Variants in PGGT1B observed in about 807,000 individuals in gnomAD.
The protein encoded by PGGT1B is geranylgeranyl transferase type-1 subunit beta.
PGGT1B carries 30 observed loss-of-function variants against 46.1 expected under a neutral mutation model. The ratio of observed to expected loss-of-function variants is 0.65; its 90% CI spans 0.49 to 0.88. PGGT1B has a LOEUF of 0.88. Ranked by LOEUF, PGGT1B falls within the 40% of genes least tolerant of loss-of-function variation. PGGT1B has a pLI of 0.00. For synonymous variants in PGGT1B, 170 were observed against 160.0 expected (o/e 1.06, Z -0.47); for missense variants, 376 against 455.9 (o/e 0.82, Z 1.60).
chr5:115,224,641 G>C (rs1038824088), intron 6 of PGGT1B, among the ~76,000 whole-genome samples: 3 of 152,096 alleles, frequency 2.0e-5, no homozygotes, highest in African/African-American at 4.8e-5. Flanking sequence ...AGGCCAAAGT[G>C]AGAGAACTGC....
At chr5:115,214,045 C>G (rs1003584950) in intron 8 of PGGT1B, among the ~76,000 whole-genome samples, 1 of 152,148 alleles carries the variant, frequency 6.6e-6, no homozygotes, top group East Asian at 1.9e-4. Flanking sequence ...TTTCACCTGT[C>G]ATATTACATC....
rs1188084320 is a variant in PGGT1B at position 115,204,766 on chromosome 5, T to TGAATAAATG, written c.*7627_*7635dup. 6.6e-5 allele frequency: 10 copies of TGAATAAATG among 151,900 alleles called. No individual in the cohort carries two copies. The highest frequency in any genetic ancestry group is 2.4e-4 in the African/African-American group (10 of 41,378). 9.4% of individuals were successfully genotyped at this position (151,900 alleles called of 1,614,324 possible). A position where few individuals can be genotyped will look rare whatever the true frequency, so the allele number is the denominator to read the frequency against. Reference sequence around the variant, plus strand: ...TAGGAACACCATAAAAATAAATAAGTGAATAAATGAATGATGTTCATAGCA... The same window carrying TGAATAAATG: ...TAGGAACACCATAAAAATAAATAAGTGAATAAATGGAATAAATGAATGATGTTCATAGCA... On this transcript the variant is annotated 3_prime_UTR_variant, in exon 9 of 9. Coordinates refer to ENST00000419445, the MANE Select transcript of PGGT1B (RefSeq NM_005023.4).
chr5:115,254,404 G>T (rs879344188), intron 1 of PGGT1B, among the ~76,000 whole-genome samples: 16 of 151,862 alleles, frequency 1.1e-4, no homozygotes, highest in Admixed American at 9.8e-4. Flanking sequence ...TACACACGAA[G>T]CTTATTTTAT....
intron 6 of PGGT1B, among the ~76,000 whole-genome samples, chr5:115,227,207 T>C (rs1756817327): frequency 6.6e-6 from 1 of 152,172 alleles, no homozygotes; most frequent in East Asian, 1.9e-4. Context: ...TAACCTGATA[T>C]GTAAGCCTAC....
At chr5:115,232,953 T>C (rs1458369524) in intron 5 of PGGT1B, among the ~76,000 whole-genome samples, 3 of 152,012 alleles carry the variant, frequency 2.0e-5, no homozygotes, top group African/African-American at 4.8e-5. Context: ...AGAGAACCTT[T>C]TTCCTATCAG....
Position 115,209,864 on chromosome 5 carries a change from A to T in PGGT1B, c.*2538T>A, listed in dbSNP as rs181590715. 2.6e-5 allele frequency: 4 copies of T among 152,172 alleles called. No homozygotes were observed. Among genetic ancestry groups the T allele is most frequent in the African/African-American group, 9.6e-5 (4 of 41,554 alleles). The allele number at this position is 152,172 out of a possible 1,614,324, so 9.4% of individuals were successfully genotyped here. A position where few individuals can be genotyped will look rare whatever the true frequency, so the allele number is the denominator to read the frequency against. On this transcript the variant is annotated 3_prime_UTR_variant, in exon 9 of 9. Coordinates refer to ENST00000419445, the MANE Select transcript of PGGT1B (RefSeq NM_005023.4). ...GTGTGTTAGGTTTTACCCTTATTTTATCCACGGCAGAGTTAGGGTCCAAGA... is the reference window on the plus strand; with the variant it reads ...GTGTGTTAGGTTTTACCCTTATTTTTTCCACGGCAGAGTTAGGGTCCAAGA...
chr5:115,229,683 C>T (rs1580756106), intron 6 of PGGT1B, among the ~76,000 whole-genome samples: 1 of 152,142 alleles, frequency 6.6e-6, no homozygotes, highest in African/African-American at 2.4e-5. Flanking sequence ...ATACCACCTA[C>T]AATAGTAAAC....
At chr5:115,226,739 A>G (rs370177304) in intron 6 of PGGT1B, among the ~76,000 whole-genome samples, 9 of 152,112 alleles carry the variant, frequency 5.9e-5, no homozygotes, top group East Asian at 1.9e-4. Context: ...TGACCAGCTT[A>G]CAATCCAGCA....
chr5:115,238,070 G>T (rs41296571), intron 3 of PGGT1B, 61 bp from the exon 4 acceptor site: 12 of 1,202,318 alleles, frequency 1.0e-5, no homozygotes, highest in Non-Finnish European at 1.4e-5. Flanking sequence ...ATTTCATTAA[G>T]AAATCTGACA....
intron 3 of PGGT1B, among the ~76,000 whole-genome samples, chr5:115,238,678 T>C (rs1237978546): frequency 1.3e-5 from 2 of 152,208 alleles, no homozygotes; most frequent in Non-Finnish European, 2.9e-5. Flanking sequence ...CTGCCTTCTA[T>C]AATAAATGTA....
chr5:115,243,935 C>T (rs949022089), intron 2 of PGGT1B, among the ~76,000 whole-genome samples: 1 of 152,190 alleles, frequency 6.6e-6, no homozygotes, highest in African/African-American at 2.4e-5. Context: ...TCTCTTCTCT[C>T]TTCTGCTCCC....
intron 6 of PGGT1B, among the ~76,000 whole-genome samples, chr5:115,223,955 A>C (rs1756677565): frequency 6.6e-6 from 1 of 152,164 alleles, no homozygotes; most frequent in South Asian, 2.1e-4. Flanking sequence ...TCAGTGTTAC[A>C]AATCTTGAAT....
At chr5:115,256,794 G>A (rs1052636851) in intron 1 of PGGT1B, among the ~76,000 whole-genome samples, 1 of 152,194 alleles carries the variant, frequency 6.6e-6, no homozygotes, top group East Asian at 1.9e-4. Context: ...GGGTTTTATG[G>A]TTCCTAGATG....
chr5:115,213,428 T>C (rs1017702940), intron 8 of PGGT1B, among the ~76,000 whole-genome samples: 1 of 152,158 alleles, frequency 6.6e-6, no homozygotes, highest in African/African-American at 2.4e-5. Flanking sequence ...CAGTCAAAAT[T>C]TTTTTCTATT....
rs1478984383 is a variant in PGGT1B, at chr5:115,210,798, T to C, written c.*1604A>G. On this transcript the variant is annotated 3_prime_UTR_variant, in exon 9 of 9. Coordinates refer to ENST00000419445, the MANE Select transcript of PGGT1B (RefSeq NM_005023.4). ...TCTTAATCTGCCAGGATTTAAATAG[T>C]AGCAACTGGAATAACCCATAGACGG... 1 of 152,068 alleles carries C rather than the reference T, an allele frequency of 6.6e-6. No homozygotes were observed. Among genetic ancestry groups the C allele is most frequent in the African/African-American group, 2.4e-5 (1 of 41,438 alleles). The allele number at this position is 152,068 out of a possible 1,614,324, so 9.4% of individuals were successfully genotyped here.
intron 8 of PGGT1B, among the ~76,000 whole-genome samples, chr5:115,214,019 T>C (rs1292636219): frequency 6.6e-6 from 1 of 152,148 alleles, no homozygotes; most frequent in Non-Finnish European, 1.5e-5. Flanking sequence ...TTTCAGACTA[T>C]AAAAAATAAA....
intron 2 of PGGT1B, among the ~76,000 whole-genome samples, chr5:115,249,684 C>G (rs896315211): frequency 6.6e-6 from 1 of 151,844 alleles, no homozygotes; most frequent in African/African-American, 2.4e-5. Flanking sequence ...GGTTGCTTTA[C>G]GAGGAAGTTA....
intron 4 of PGGT1B, 67 bp downstream of exon 4, chr5:115,237,791 G>T: frequency 1.5e-6 from 2 of 1,336,384 alleles, no homozygotes; most frequent in Non-Finnish European, 2.1e-6. Flanking sequence ...GTATAGTACT[G>T]TATCCATTTT....
chr5:115,229,761 T>G (rs1454125592), intron 6 of PGGT1B, among the ~76,000 whole-genome samples: 1 of 152,120 alleles, frequency 6.6e-6, no homozygotes, highest in Non-Finnish European at 1.5e-5. Context: ...TATAACTATA[T>G]CCCTCTTGAT....
Sources: gnomAD v4.1 joint callset for allele counts (sites outside exome capture counted in the v4.1 genomes callset) on GRCh38, gnomAD v4.1.1 for gene constraint, MANE v1.5 for transcripts, NCBI Gene and HGNC (gene_info 2026-07-23, HGNC 2026-07-21) for gene names.